NOS1: variants seen among roughly 807,000 people sequenced by gnomAD.
NOS1 encodes the protein NOS type I.
In NOS1, 51 loss-of-function variants were observed where a neutral mutation model predicts 164.5. The observed-to-expected ratio is 0.31, with a 90% CI of 0.25 to 0.39. The LOEUF is 0.39. NOS1 is among the 10% of genes least tolerant of loss of function. The pLI is 1.00. For missense variants in NOS1, 1,362 were observed against 1,885.6 expected (o/e 0.72, Z 5.14); for synonymous variants, 719 against 745.8 (o/e 0.96, Z 0.59).
chr12:117,218,500 C>T (rs553893625), intron 27 of NOS1, among the ~76,000 whole-genome samples: 4 of 152,054 alleles, frequency 2.6e-5, no homozygotes, highest in Non-Finnish European at 4.4e-5. Context: ...CCTCTTTCCT[C>T]CCTCCAACGT....
In NOS1 at chr12:117,209,535, C is replaced by T. The variant is rs542638855; in HGVS notation, c.*5774G>A. 709 of 985,478 alleles carry T rather than the reference C, an allele frequency of 7.2e-4. 2 individuals are homozygous for T. The African/African-American group carries it at 9.3e-3, about 13-fold the overall frequency. The allele number at this position is 985,478 out of a possible 1,614,324, so 61.0% of individuals were successfully genotyped here. On this transcript the variant is annotated 3_prime_UTR_variant, in exon 29 of 29. Coordinates refer to ENST00000317775, the MANE Select transcript of NOS1 (RefSeq NM_000620.5). Reference sequence around the variant, plus strand: ...TTGTTCCCGCCTGCCAGGGCCATCTCGTTAATAACGGACTGTGTTTTGGGC... The same window carrying T: ...TTGTTCCCGCCTGCCAGGGCCATCTTGTTAATAACGGACTGTGTTTTGGGC...
intron 1 of NOS1, among the ~76,000 whole-genome samples, chr12:117,336,354 C>T (rs1021025818): frequency 3.3e-5 from 5 of 152,140 alleles, no homozygotes; most frequent in East Asian, 3.9e-4. Context: ...CATGCAGAAA[C>T]GAGAAAACAG....
intron 1 of NOS1, among the ~76,000 whole-genome samples, chr12:117,347,272 G>C (rs1029350940): frequency 6.7e-6 from 1 of 149,202 alleles, no homozygotes; most frequent in African/African-American, 2.5e-5. Context: ...GGGTGAAAGA[G>C]AGTGTGACCC....
intron 25 of NOS1, among the ~76,000 whole-genome samples, chr12:117,223,561 T>TA (rs994599028): frequency 1.7e-4 from 26 of 150,900 alleles, no homozygotes; most frequent in African/African-American, 6.3e-4. Flanking sequence ...TGCCTGGCCT[T>TA]TTTATTTATT....
At chr12:117,224,915 C>T (rs1394898832) in intron 25 of NOS1, 101 bp downstream of exon 25, 47 of 1,488,138 alleles carry the variant, frequency 3.2e-5, no homozygotes, top group Middle Eastern at 1.8e-4. Flanking sequence ...GCGGTGATGC[C>T]GTGGAGAGAC....
At chr12:117,238,236 A>T (rs1233990266) in intron 20 of NOS1, among the ~76,000 whole-genome samples, 4 of 152,020 alleles carry the variant, frequency 2.6e-5, no homozygotes, top group Admixed American at 2.6e-4. Context: ...TTATGGTTTT[A>T]AAAGATTCCT....
chr12:117,216,158 G>C (rs1956606600), intron 28 of NOS1, among the ~76,000 whole-genome samples: 1 of 150,622 alleles, frequency 6.6e-6, no homozygotes, highest in South Asian at 2.1e-4. Context: ...GATTACAGGT[G>C]TGAGCCACTG....
chr12:117,227,386 G>C (rs766597471), intron 23 of NOS1, 45 bp downstream of exon 23: 1 of 1,591,194 alleles, frequency 6.3e-7, no homozygotes, highest in Non-Finnish European at 8.6e-7. Context: ...GAGGCCCCTT[G>C]GGGGAAAATG....
chr12:117,342,103 C>T (rs988786561), intron 1 of NOS1, among the ~76,000 whole-genome samples: 3 of 152,130 alleles, frequency 2.0e-5, no homozygotes, highest in Admixed American at 6.6e-5. Context: ...CAACATTATA[C>T]TCTTTTACTT....
Position 117,243,937 on chromosome 12 carries a change from C to A in NOS1, c.2824-502G>T, listed in dbSNP as rs1305788556. 2.6e-5 allele frequency among the ~76,000 whole-genome samples: 4 copies of A among 152,176 alleles called. No individual in the cohort carries two copies. Among genetic ancestry groups the A allele is most frequent in the Non-Finnish European group, 5.9e-5 (4 of 68,040 alleles). ...CCATTCATCTATCCATCCATCCATC[C>A]TATATATTTTGAGTGTCTGCGATGT... is the stretch of plus-strand genomic sequence containing the variant. On this transcript the variant is annotated intron_variant, in intron 18 of 28. Coordinates refer to ENST00000317775, the MANE Select transcript of NOS1 (RefSeq NM_000620.5). The surrounding 1 kb of genome is among the most constrained non-coding windows in gnomAD (Gnocchi z 4.3).
intron 12 of NOS1, among the ~76,000 whole-genome samples, chr12:117,264,187 G>A (rs1434274740): frequency 6.6e-6 from 1 of 151,994 alleles, no homozygotes; most frequent in African/African-American, 2.4e-5. Context: ...GGCCTTGGCA[G>A]TGTCCTGCTA....
chr12:117,222,869 G>A lies in NOS1; in HGVS notation c.3827-6C>T, dbSNP rs758042478. The A allele has an allele frequency of 5.0e-6, 8 of 1,611,806 alleles. No homozygotes were observed. The highest frequency in any genetic ancestry group is 6.8e-6 in the Non-Finnish European group (8 of 1,179,082). On this transcript the variant is annotated splice_region_variant and splice_polypyrimidine_tract_variant and intron_variant, in intron 25 of 28. Coordinates refer to ENST00000317775, the MANE Select transcript of NOS1 (RefSeq NM_000620.5). ...CATGGGGCAGGGGTTCATTCCTGGG[G>A]ACCAGGAAGACCTTATGTCACCGAT...
At chr12:117,237,310 T>A (rs1397425555) in intron 20 of NOS1, among the ~76,000 whole-genome samples, 1 of 152,150 alleles carries the variant, frequency 6.6e-6, no homozygotes, top group Non-Finnish European at 1.5e-5. Flanking sequence ...TTTTGTACTT[T>A]TAGCAGAGAC....
rs1410309821 is a variant in NOS1, at chr12:117,331,059, T to C, written c.11A>G (p.His4Arg). The change falls in exon 2 of 29, where the codon CAC becomes CGC. Residue 4 changes from histidine to arginine, a missense_variant. His to Arg is a conservative substitution (Grantham distance 29). Transcript: ENST00000317775. ...CTGGATTTGCTGAACACCGAACATG[T>C]GATCCTCCATGGTAACTAGCTTCCG... MEDHMFGVQQIQPN... is the reference protein window; with the variant it reads MEDRMFGVQQIQPN... The C allele has an allele frequency of 6.2e-7, 1 of 1,610,496 alleles. No individual in the cohort carries two copies. Among genetic ancestry groups the C allele is most frequent in the East Asian group, 2.2e-5 (1 of 44,768 alleles).
In NOS1 at chr12:117,272,323, C is replaced by T. The variant is rs767503498; in HGVS notation, c.1839+62G>A. 6.4e-5 allele frequency: 101 copies of T among 1,585,466 alleles called. No individual in the cohort carries two copies. The highest frequency in any genetic ancestry group is 8.5e-5 in the Non-Finnish European group (98 of 1,156,366). On this transcript the variant is annotated intron_variant, in intron 10 of 28. Transcript: ENST00000317775. The surrounding 1 kb of genome is among the most constrained non-coding windows in gnomAD (Gnocchi z 4.3). ...ACCAAGCTCGCCGTGGGGAAGGGGA[C>T]TGCTGAGCTGGCACCCTCTGCTATG...
At chr12:117,333,167 T>A (rs1416673991) in intron 1 of NOS1, among the ~76,000 whole-genome samples, 1 of 152,182 alleles carries the variant, frequency 6.6e-6, no homozygotes, top group African/African-American at 2.4e-5. Flanking sequence ...TACTTGTAAT[T>A]ATTAGTTTGT....
At chr12:117,329,345 G>A (rs1035853542) in intron 2 of NOS1, among the ~76,000 whole-genome samples, 1 of 152,076 alleles carries the variant, frequency 6.6e-6, no homozygotes, top group Non-Finnish European at 1.5e-5. Context: ...CAGATTGTGG[G>A]GGGCGGAATG....
intron 13 of NOS1, among the ~76,000 whole-genome samples, chr12:117,262,900 C>A (rs4767524): frequency 6.6e-6 from 1 of 151,790 alleles, no homozygotes; most frequent in Admixed American, 6.6e-5. Context: ...GCCATAACCC[C>A]CTTCCTTCCC....
chr12:117,317,624 C>T (rs1415793860), intron 2 of NOS1, among the ~76,000 whole-genome samples: 1 of 151,984 alleles, frequency 6.6e-6, no homozygotes, highest in African/African-American at 2.4e-5. Flanking sequence ...CCTCCCCATC[C>T]TTGCTCTATG....
Sources: gnomAD v4.1 joint callset for allele counts (sites outside exome capture counted in the v4.1 genomes callset) on GRCh38, gnomAD v4.1.1 for gene constraint, Gnocchi (gnomAD v3.1) non-coding constraint, MANE v1.5 for transcripts, NCBI Gene and HGNC (gene_info 2026-07-23, HGNC 2026-07-21) for gene names.